Variants in KIAA1671 observed in about 807,000 individuals in gnomAD.
The protein encoded by KIAA1671 is KIAA1671, also known as uncharacterized protein KIAA1671.
Under a neutral mutation model 131.2 loss-of-function variants are expected in KIAA1671, and 52 were observed. The ratio of observed to expected loss-of-function variants is 0.40; its 90% CI spans 0.32 to 0.50. The LOEUF (loss-of-function observed/expected upper bound fraction) is 0.50, where lower values mean the gene tolerates loss of function less well. KIAA1671 is among the 20% of genes least tolerant of loss of function. The pLI is 0.73. For missense variants in KIAA1671, 2,360 were observed against 2,364.2 expected (o/e 1.00, Z 0.04); for synonymous variants, 1,003 against 961.6 (o/e 1.04, Z -0.80).
chr22:25,153,824 G>A (rs1023734555), intron 6 of KIAA1671, among the ~76,000 whole-genome samples: 7 of 152,200 alleles, frequency 4.6e-5, no homozygotes, highest in African/African-American at 1.4e-4. Context: ...TCAGAGAAGT[G>A]CAGTCCCTGC....
intron 6 of KIAA1671, among the ~76,000 whole-genome samples, chr22:25,129,462 G>A (rs1164575528): frequency 2.0e-5 from 3 of 150,494 alleles, no homozygotes; most frequent in Admixed American, 6.6e-5. Flanking sequence ...AGCCGAGATC[G>A]TACCATTGCA....
chr22:24,983,477 C>T (rs1923335603), intron 1 of KIAA1671, among the ~76,000 whole-genome samples: 1 of 151,850 alleles, frequency 6.6e-6, no homozygotes, highest in Admixed American at 6.6e-5. Flanking sequence ...ATTACATCTA[C>T]AAGGACCCTA....
chr22:25,093,824 T>TCTCTCTGTC (rs1555877745), intron 6 of KIAA1671, among the ~76,000 whole-genome samples: 1 of 21,922 alleles, frequency 4.6e-5, no homozygotes, highest in African/African-American at 2.8e-4. Flanking sequence ...CTCTCTCTCT[T>TCTCTCTGTC]TCTCTCTCTG....
chr22:25,190,268 C>T (rs949610435), intron 11 of KIAA1671, among the ~76,000 whole-genome samples: 5 of 152,192 alleles, frequency 3.3e-5, no homozygotes, highest in South Asian at 2.1e-4. Flanking sequence ...ACCTAGATCC[C>T]TTGCATGCAC....
intron 1 of KIAA1671, among the ~76,000 whole-genome samples, chr22:24,966,647 T>C (rs1215514747): frequency 6.6e-6 from 1 of 152,106 alleles, no homozygotes; most frequent in East Asian, 1.9e-4. Context: ...AGAGAGAATA[T>C]AGAATGTATT....
intron 6 of KIAA1671, among the ~76,000 whole-genome samples, chr22:25,169,299 C>G (rs975053291): frequency 4.6e-5 from 7 of 151,754 alleles, no homozygotes; most frequent in African/African-American, 1.7e-4. Flanking sequence ...TATACCTATA[C>G]TCCCAGCTAC....
At chr22:25,140,712 A>G (rs1042847143) in intron 6 of KIAA1671, among the ~76,000 whole-genome samples, 2 of 152,182 alleles carry the variant, frequency 1.3e-5, no homozygotes, top group African/African-American at 4.8e-5. Context: ...GGGAACAGGG[A>G]GCAGTGGGCA....
At position 25,044,481 on chromosome 22, in the gene KIAA1671, C is replaced by T. The variant is rs568867654; in HGVS notation, c.4395+2956C>T. Among the ~76,000 whole-genome samples the T allele has an allele frequency of 3.1e-3, 467 of 152,150 alleles. 3 individuals are homozygous for T. The highest frequency in any genetic ancestry group is 0.011 in the African/African-American group (447 of 41,500). On this transcript the variant is annotated intron_variant, in intron 5 of 12. Coordinates refer to ENST00000358431, the MANE Select transcript of KIAA1671 (RefSeq NM_001145206.2). Reference sequence around the variant, plus strand: ...GGGGATCCTGGGCTCAGCTCTGTCCCGCAGCCCAGCCTTGGATGCCTGCCT... The same window carrying T: ...GGGGATCCTGGGCTCAGCTCTGTCCTGCAGCCCAGCCTTGGATGCCTGCCT...
At chr22:24,956,402 G>A (rs5760756) in intron 1 of KIAA1671, among the ~76,000 whole-genome samples, 1,809 of 152,218 alleles carry the variant, frequency 0.012, 43 homozygotes, top group Non-Finnish European at 0.01. Context: ...ATTGTGAGGC[G>A]TTTGCCAGGC....
At chr22:25,008,263 C>T (rs1488433650) in intron 1 of KIAA1671, among the ~76,000 whole-genome samples, 1 of 148,758 alleles carries the variant, frequency 6.7e-6, no homozygotes, top group African/African-American at 2.5e-5. Flanking sequence ...CTCACCAATT[C>T]TTCCTGGGCA....
At chr22:25,072,965 C>T (rs1430104933) in intron 6 of KIAA1671, among the ~76,000 whole-genome samples, 2 of 152,212 alleles carry the variant, frequency 1.3e-5, no homozygotes, top group Non-Finnish European at 2.9e-5. Context: ...GCATGGGCCC[C>T]TCCTCACTGC....
intron 1 of KIAA1671, among the ~76,000 whole-genome samples, chr22:25,005,892 C>T (rs1246936325): frequency 6.6e-6 from 1 of 152,186 alleles, no homozygotes; most frequent in Non-Finnish European, 1.5e-5. Context: ...CTCAGTTTCA[C>T]ATCTGTATAA....
chr22:25,156,012 CTTTT>C (rs57822676), intron 6 of KIAA1671, among the ~76,000 whole-genome samples: 2 of 35,318 alleles, frequency 5.7e-5, no homozygotes, highest in Non-Finnish European at 1.3e-4. Flanking sequence ...TGTGTATGTG[CTTTT>C]TTTTTTTTTT....
chr22:24,956,642 G>A (rs1363076651), intron 1 of KIAA1671, among the ~76,000 whole-genome samples: 3 of 152,162 alleles, frequency 2.0e-5, no homozygotes, highest in African/African-American at 7.2e-5. Context: ...CGAGGCGGAT[G>A]GATCACGAGA....
intron 7 of KIAA1671, among the ~76,000 whole-genome samples, chr22:25,171,801 G>A (rs1210507573): frequency 3.9e-5 from 6 of 152,052 alleles, no homozygotes; most frequent in African/African-American, 1.2e-4. Context: ...CAGATGAGGC[G>A]CTGGGGTGGA....
At chr22:25,164,978 CGTGTGTGTGTGTGTGTGT>C (rs59765745) in intron 6 of KIAA1671, among the ~76,000 whole-genome samples, 8 of 116,584 alleles carry the variant, frequency 6.9e-5, no homozygotes, top group African/African-American at 2.6e-4. Context: ...GAGTTGCAGG[CGTGTGTGTGTGTGTGTGT>C]GTGTGTGTGT....
intron 6 of KIAA1671, among the ~76,000 whole-genome samples, chr22:25,134,553 C>CT (rs1227925052): frequency 6.6e-6 from 1 of 152,246 alleles, no homozygotes; most frequent in East Asian, 1.9e-4. Context: ...TTAAATGTCT[C>CT]TGACTTACAC....
chr22:24,967,986 C>CT (rs1480894442), intron 1 of KIAA1671, among the ~76,000 whole-genome samples: 3 of 152,068 alleles, frequency 2.0e-5, no homozygotes, highest in Non-Finnish European at 4.4e-5. Flanking sequence ...GAGTGAGACT[C>CT]TGTCTCAAAA....
Position 25,126,057 on chromosome 22 carries a change from A to G in KIAA1671, c.4531-44763A>G, listed in dbSNP as rs942766459. On this transcript the variant is annotated intron_variant, in intron 6 of 12. Coordinates refer to ENST00000358431, the MANE Select transcript of KIAA1671 (RefSeq NM_001145206.2). The stretch of plus-strand genomic sequence containing the variant: ...GTGGAGGGCACATAGTTCTTTATAA[A>G]CAGTGGCTTTTATTGTCATTCTAGT... Among the ~76,000 whole-genome samples the G allele has an allele frequency of 2.2e-4, 34 of 152,174 alleles. 1 individual carries two copies. The highest frequency in any genetic ancestry group is 2.2e-3 in the Admixed American group (34 of 15,276).
Sources: gnomAD v4.1 joint callset for allele counts (sites outside exome capture counted in the v4.1 genomes callset) on GRCh38, gnomAD v4.1.1 for gene constraint, MANE v1.5 for transcripts, NCBI Gene and HGNC (gene_info 2026-07-23, HGNC 2026-07-21) for gene names.